The following EMB variants were observed in gnomAD, a reference collection of about 807,000 sequenced individuals.
EMB encodes embigin homolog.
Under a neutral mutation model 41.4 loss-of-function variants are expected in EMB, and 31 were observed. That is an observed-to-expected ratio of 0.75 (90% CI 0.56 to 1.01). The LOEUF (loss-of-function observed/expected upper bound fraction) is 1.01. Among genes scored for constraint, EMB ranks in the 50% least tolerant of loss-of-function variants. The pLI is 0.00. For missense variants in EMB, 379 were observed against 388.3 expected (o/e 0.98, Z 0.20); for synonymous variants, 137 against 140.4 (o/e 0.98, Z 0.17).
chr5:50,405,680 G>A, intron 5 of EMB, 45 bp downstream of exon 5: 1 of 1,516,118 alleles, frequency 6.6e-7, no homozygotes, highest in Admixed American at 2.3e-5. Flanking sequence ...TTAAATAAAT[G>A]TTTTCTGTTG....
intron 1 of EMB, among the ~76,000 whole-genome samples, chr5:50,437,974 C>A (rs1745833500): frequency 6.6e-6 from 1 of 152,112 alleles, no homozygotes; most frequent in Non-Finnish European, 1.5e-5. Flanking sequence ...AATCAAAAAA[C>A]CTTAAAACAG....
intron 1 of EMB, among the ~76,000 whole-genome samples, chr5:50,437,958 T>G (rs993737980): frequency 1.3e-5 from 2 of 152,230 alleles, no homozygotes; most frequent in African/African-American, 4.8e-5. Context: ...ATTATATGTC[T>G]TATTTAATCA....
chr5:50,439,536 G>A (rs28661824), intron 1 of EMB, among the ~76,000 whole-genome samples: 75,701 of 149,184 alleles, frequency 0.51, 20,145 homozygotes, highest in African/African-American at 0.67. Context: ...TATGTTGCCC[G>A]GGGTGGTCTT....
chr5:50,428,147 T>C lies in EMB; in HGVS notation c.193A>G (p.Thr65Ala). The C allele has an allele frequency of 6.3e-7, 1 of 1,593,682 alleles. No homozygotes were observed. Among genetic ancestry groups the C allele is most frequent in the Admixed American group, 1.7e-5 (1 of 57,930 alleles). Residue 65 changes from threonine to alanine, a missense_variant, in exon 2 of 9, where the codon ACT becomes GCT. Transcript: ENST00000303221. ...FSLESHNISL[T>A]EHSSMPVEKN... The stretch of plus-strand genomic sequence containing the variant: ...ATTTGAAACATGATACATTTACCAG[T>C]CAGTGATATGTTATGACTCTCCAAG...
At chr5:50,412,980 C>T (rs1216895953) in intron 2 of EMB, among the ~76,000 whole-genome samples, 4 of 150,776 alleles carry the variant, frequency 2.7e-5, no homozygotes, top group South Asian at 2.1e-4. Flanking sequence ...CAGTAAGAGC[C>T]TCTACTTGTC....
intron 1 of EMB, among the ~76,000 whole-genome samples, chr5:50,439,461 T>C (rs1745859170): frequency 6.6e-6 from 1 of 151,214 alleles, no homozygotes; most frequent in African/African-American, 2.4e-5. Flanking sequence ...GGACTACTGG[T>C]GTACATCACC....
At chr5:50,431,195 G>T (rs377090300) in intron 1 of EMB, among the ~76,000 whole-genome samples, 4 of 152,310 alleles carry the variant, frequency 2.6e-5, no homozygotes, top group Admixed American at 1.3e-4. Context: ...ACTGCTGTGT[G>T]ACTTTTGCCT....
chr5:50,436,252 A>G (rs1277381107), intron 1 of EMB, among the ~76,000 whole-genome samples: 1 of 152,148 alleles, frequency 6.6e-6, no homozygotes, highest in Non-Finnish European at 1.5e-5. Context: ...CTATATACCT[A>G]TATAGACTTA....
At chr5:50,404,307 C>A (rs557645182) in intron 5 of EMB, among the ~76,000 whole-genome samples, 9 of 152,038 alleles carry the variant, frequency 5.9e-5, no homozygotes, top group East Asian at 1.9e-4. Flanking sequence ...AGCAACCTGG[C>A]ACCATGTGCA....
chr5:50,432,807 G>A (rs190975818), intron 1 of EMB, among the ~76,000 whole-genome samples: 5 of 151,314 alleles, frequency 3.3e-5, no homozygotes, highest in South Asian at 2.1e-4. Flanking sequence ...GGCCAGGCGC[G>A]GTGGCTCACG....
At chr5:50,442,668 C>T (rs191914602), upstream of EMB, among the ~76,000 whole-genome samples, 21 of 152,276 alleles carry the variant, frequency 1.4e-4, no homozygotes, top group African/African-American at 4.8e-4. Flanking sequence ...ACACTGTTGA[C>T]CCTCTGAGGG....
chr5:50,428,329 A>G, intron 1 of EMB, 102 bp from the exon 2 acceptor site: 2 of 1,263,484 alleles, frequency 1.6e-6, no homozygotes, highest in Non-Finnish European at 2.1e-6. Flanking sequence ...ACTATTAATG[A>G]AAAACTGTGT....
At chr5:50,437,960 A>G (rs1745833213) in intron 1 of EMB, among the ~76,000 whole-genome samples, 1 of 152,214 alleles carries the variant, frequency 6.6e-6, no homozygotes, top group Non-Finnish European at 1.5e-5. Context: ...TATATGTCTT[A>G]TTTAATCAAA....
upstream of EMB, among the ~76,000 whole-genome samples, chr5:50,442,510 CAT>C (rs1745930464): frequency 9.7e-6 from 1 of 103,354 alleles, no homozygotes; most frequent in Non-Finnish European, 1.8e-5. Context: ...CGCATGCACA[CAT>C]GTACACACAC....
Position 50,441,207 on chromosome 5 carries a change from G to C in EMB, c.-56C>G. 2 of 1,145,348 alleles carry C rather than the reference G, an allele frequency of 1.7e-6. No homozygotes were observed. Among genetic ancestry groups the C allele is most frequent in the Non-Finnish European group, 2.3e-6 (2 of 874,840 alleles). The allele number at this position is 1,145,348 out of a possible 1,614,324, so 70.9% of individuals were successfully genotyped here. ...GAGACTGCTCCCTCAGCTCGCCGCCGCGGGTGTCCAGAGTCCCTGCGCACA... is the reference window on the plus strand; with the variant it reads ...GAGACTGCTCCCTCAGCTCGCCGCCCCGGGTGTCCAGAGTCCCTGCGCACA... On this transcript the variant is annotated 5_prime_UTR_variant, in exon 1 of 9. Coordinates refer to ENST00000303221, the MANE Select transcript of EMB (RefSeq NM_198449.3).
At position 50,419,751 on chromosome 5, in the gene EMB, T is replaced by C. The variant is rs148057935; in HGVS notation, c.197-8368A>G. Among the ~76,000 whole-genome samples, 834 of 152,280 alleles carry C rather than the reference T, an allele frequency of 5.5e-3. 7 individuals are homozygous for C. Among genetic ancestry groups the C allele is most frequent in the African/African-American group, 0.019 (807 of 41,546 alleles). On this transcript the variant is annotated intron_variant, in intron 2 of 8. Coordinates refer to ENST00000303221, the MANE Select transcript of EMB (RefSeq NM_198449.3). The stretch of plus-strand genomic sequence containing the variant: ...ACACGTATGTTCATTGCAGCACTAT[T>C]CACGACAGCAAAGACATAGAATTAA...
Position 50,441,169 on chromosome 5 carries a change from C to G in EMB, c.-18G>C. ...GCGCGCATGGCGCCAGAGGGTCCGC[C>G]TGGGTCCTCGTGGAGACTGCTCCCT... is the stretch of plus-strand genomic sequence containing the variant. On this transcript the variant is annotated 5_prime_UTR_variant, in exon 1 of 9. Coordinates refer to ENST00000303221, the MANE Select transcript of EMB (RefSeq NM_198449.3). 6.9e-7 allele frequency: 1 copy of G among 1,443,148 alleles called. No individual in the cohort carries two copies. The allele number at this position is 1,443,148 out of a possible 1,614,324, so 89.4% of individuals were successfully genotyped here. A position where few individuals can be genotyped will look rare whatever the true frequency, so the allele number is the denominator to read the frequency against.
chr5:50,417,930 C>G (rs1478298514), intron 2 of EMB, among the ~76,000 whole-genome samples: 1 of 152,186 alleles, frequency 6.6e-6, no homozygotes, highest in East Asian at 1.9e-4. Flanking sequence ...TTTCACTAAA[C>G]AAAGCTCCTA....
At chr5:50,407,429 A>G (rs1472856024) in intron 4 of EMB, among the ~76,000 whole-genome samples, 4 of 152,030 alleles carry the variant, frequency 2.6e-5, no homozygotes, top group African/African-American at 9.7e-5. Context: ...TCCCAACTAA[A>G]TATTAAGATC....
Sources: allele counts gnomAD v4.1 joint callset (sites outside exome capture counted in the v4.1 genomes callset), GRCh38; gene constraint gnomAD v4.1.1; transcripts MANE v1.5; gene names NCBI Gene and HGNC (gene_info 2026-07-23, HGNC 2026-07-21).